The following FBXL17 variants were observed in gnomAD, a reference collection of about 807,000 sequenced individuals.
FBXL17 encodes the protein F-box/LRR-repeat protein 17.
FBXL17 carries 22 observed loss-of-function variants against 66.2 expected under a neutral mutation model. The ratio of observed to expected loss-of-function variants is 0.33; its 90% CI spans 0.24 to 0.47. The LOEUF (loss-of-function observed/expected upper bound fraction) is 0.47, where lower values mean the gene tolerates loss of function less well. Among genes scored for constraint, FBXL17 ranks in the 20% least tolerant of loss-of-function variants. The pLI is 1.00. For missense variants in FBXL17, 878 were observed against 948.2 expected (o/e 0.93, Z 0.97); for synonymous variants, 474 against 400.5 (o/e 1.18, Z -2.19).
intron 5 of FBXL17, among the ~76,000 whole-genome samples, chr5:108,193,490 A>G (rs546071952): frequency 2.1e-4 from 32 of 152,328 alleles, no homozygotes; most frequent in African/African-American, 7.0e-4. Flanking sequence ...CCAAGCCTAG[A>G]AAGACTTCCA....
At chr5:108,058,427 TTCTTTC>T (rs1561389941) in intron 6 of FBXL17, among the ~76,000 whole-genome samples, 2 of 70,808 alleles carry the variant, frequency 2.8e-5, no homozygotes, top group African/African-American at 1.1e-4. Flanking sequence ...TCTTTCTTCT[TTCTTTC>T]TCTTTCTTTC....
At chr5:108,211,425 G>C (rs1754366217) in intron 5 of FBXL17, among the ~76,000 whole-genome samples, 1 of 152,164 alleles carries the variant, frequency 6.6e-6, no homozygotes, top group South Asian at 2.1e-4. Context: ...TAGTATCGAT[G>C]TTCTTTACAA....
Position 108,204,089 on chromosome 5 carries a change from C to G in FBXL17, c.1615-17842G>C, listed in dbSNP as rs1027196448. On this transcript the variant is annotated intron_variant, in intron 5 of 8. Coordinates refer to ENST00000542267, the MANE Select transcript of FBXL17 (RefSeq NM_001163315.3). ...AAAACAAAACTCAACCAAACCCATA[C>G]GCAACACATCCCAAATACTCGGTTA... is the stretch of plus-strand genomic sequence containing the variant. Among the ~76,000 whole-genome samples the G allele has an allele frequency of 2.0e-4, 31 of 152,126 alleles. 1 individual carries two copies. The highest frequency in any genetic ancestry group is 1.7e-3 in the Admixed American group (26 of 15,276).
intron 7 of FBXL17, among the ~76,000 whole-genome samples, chr5:108,015,867 G>A (rs1418714679): frequency 6.6e-6 from 1 of 152,122 alleles, no homozygotes; most frequent in African/African-American, 2.4e-5. Context: ...ACACCAAAAC[G>A]ATGAATAATG....
intron 6 of FBXL17, among the ~76,000 whole-genome samples, chr5:108,059,762 T>A (rs15158): frequency 0.16 from 24,776 of 152,066 alleles, 2,397 homozygotes; most frequent in South Asian, 0.45. Flanking sequence ...TTATGTTTCC[T>A]TGCTAATACA....
rs1211922592 is a variant in FBXL17 at position 108,380,843 on chromosome 5, GC to G, written c.848del (p.Gly283AlafsTer75). 1.6e-6 allele frequency: 2 copies of G among 1,247,050 alleles called. No individual in the cohort carries two copies. The allele number at this position is 1,247,050 out of a possible 1,614,324, so 77.2% of individuals were successfully genotyped here. A position where few individuals can be genotyped will look rare whatever the true frequency, so the allele number is the denominator to read the frequency against. ...GCTGCTGGGCGGACAAGGGGGCGGT[GC>G]CCCCGGCTCGGACAGCGTCCCCGCC... ...EAGGDAVRAG[G>X]TAPLSAQQQH... On this transcript the variant is annotated frameshift_variant, in exon 1 of 9. Coordinates refer to ENST00000542267, the MANE Select transcript of FBXL17 (RefSeq NM_001163315.3). LOFTEE classifies it high-confidence loss of function.
At chr5:108,307,043 G>C (rs998483330) in intron 4 of FBXL17, among the ~76,000 whole-genome samples, 4 of 151,900 alleles carry the variant, frequency 2.6e-5, no homozygotes, top group Non-Finnish European at 4.4e-5. Flanking sequence ...GTAATAGTCT[G>C]AAATCATCAG....
At chr5:108,327,764 T>C (rs1759925159) in intron 4 of FBXL17, among the ~76,000 whole-genome samples, 1 of 152,072 alleles carries the variant, frequency 6.6e-6, no homozygotes, top group African/African-American at 2.4e-5. Flanking sequence ...CAGCATTCAC[T>C]ACCAACAAAG....
At chr5:108,295,232 C>A (rs887993871) in intron 4 of FBXL17, among the ~76,000 whole-genome samples, 1 of 151,630 alleles carries the variant, frequency 6.6e-6, no homozygotes, top group Non-Finnish European at 1.5e-5. Context: ...TATTTTACTA[C>A]AAGAAAAAAT....
intron 6 of FBXL17, among the ~76,000 whole-genome samples, chr5:108,166,093 T>C (rs1166725017): frequency 1.3e-5 from 2 of 152,212 alleles, no homozygotes; most frequent in Admixed American, 6.5e-5. Flanking sequence ...AAAAAGTACA[T>C]ATGATCTATC....
At chr5:108,190,140 C>T (rs898588965) in intron 5 of FBXL17, among the ~76,000 whole-genome samples, 7 of 152,262 alleles carry the variant, frequency 4.6e-5, no homozygotes, top group Middle Eastern at 3.4e-3. Context: ...GCTGCGGTGA[C>T]GTTGTATTGC....
chr5:108,032,920 G>A (rs973812563), intron 6 of FBXL17, among the ~76,000 whole-genome samples: 1 of 152,176 alleles, frequency 6.6e-6, no homozygotes, highest in African/African-American at 2.4e-5. Context: ...TTAAGATGAT[G>A]TGATTGGATG....
At chr5:107,961,763 A>G (rs942425602) in intron 7 of FBXL17, among the ~76,000 whole-genome samples, 7 of 152,192 alleles carry the variant, frequency 4.6e-5, no homozygotes, top group South Asian at 4.1e-4. Flanking sequence ...TTGCATTTCA[A>G]TGTGAGACAG....
chr5:108,285,672 T>A (rs1334310240), intron 4 of FBXL17, among the ~76,000 whole-genome samples: 1 of 151,768 alleles, frequency 6.6e-6, no homozygotes, highest in Non-Finnish European at 1.5e-5. Context: ...TTTAAACAGA[T>A]GTGGTATCAT....
At chr5:108,380,341 A>G (rs866377292) in intron 1 of FBXL17, among the ~76,000 whole-genome samples, 2 of 152,230 alleles carry the variant, frequency 1.3e-5, no homozygotes, top group African/African-American at 4.8e-5. Context: ...TTCAAACACC[A>G]ACATGCAAAG....
At chr5:108,311,802 G>T (rs1379071352) in intron 4 of FBXL17, among the ~76,000 whole-genome samples, 1 of 152,156 alleles carries the variant, frequency 6.6e-6, no homozygotes, top group African/African-American at 2.4e-5. Context: ...GAAAGAGAAT[G>T]CATAATAACA....
chr5:108,105,874 C>G (rs1703396076), intron 6 of FBXL17, among the ~76,000 whole-genome samples: 1 of 152,094 alleles, frequency 6.6e-6, no homozygotes, highest in South Asian at 2.1e-4. Context: ...TATTTATTTA[C>G]TTAAGAAATA....
chr5:108,178,239 G>A (rs560857819), intron 6 of FBXL17, among the ~76,000 whole-genome samples: 2 of 151,916 alleles, frequency 1.3e-5, no homozygotes, highest in African/African-American at 2.4e-5. Context: ...ATAAAGACGG[G>A]GTTTCACCAT....
chr5:108,328,454 C>T (rs1346705616), intron 4 of FBXL17, among the ~76,000 whole-genome samples: 1 of 151,830 alleles, frequency 6.6e-6, no homozygotes, highest in Non-Finnish European at 1.5e-5. Flanking sequence ...ATATATTCTT[C>T]TGATAGAAAA....
Sources: allele counts gnomAD v4.1 joint callset (sites outside exome capture counted in the v4.1 genomes callset), GRCh38; gene constraint gnomAD v4.1.1; transcripts MANE v1.5; gene names NCBI Gene and HGNC (gene_info 2026-07-23, HGNC 2026-07-21).